Variants in FBXL4 observed in about 807,000 individuals in gnomAD.
FBXL4 encodes the protein F-box/LRR-repeat protein 4.
FBXL4 carries 40 observed loss-of-function variants against 58.9 expected under a neutral mutation model. The observed-to-expected ratio is 0.68, with a 90% CI of 0.53 to 0.88. FBXL4 has a LOEUF of 0.88. Among genes scored for constraint, FBXL4 ranks in the 40% least tolerant of loss-of-function variants. FBXL4 has a pLI of 0.00. For missense variants in FBXL4, 676 were observed against 734.4 expected (o/e 0.92, Z 0.92); for synonymous variants, 263 against 265.5 (o/e 0.99, Z 0.09).
At chr6:98,924,893 C>T (rs1328105566) in intron 4 of FBXL4, among the ~76,000 whole-genome samples, 3 of 152,132 alleles carry the variant, frequency 2.0e-5, no homozygotes, top group East Asian at 3.9e-4. Flanking sequence ...TGAACAGGTG[C>T]CCTGATCTGC....
At chr6:98,880,415 G>C (rs1770810156) in intron 8 of FBXL4, 138 bp downstream of exon 8, 1 of 649,032 alleles carries the variant, frequency 1.5e-6, no homozygotes, top group Non-Finnish European at 2.7e-6. Flanking sequence ...ATGTTTGAAA[G>C]CAAGGGACAA....
rs1467245164 is a variant in FBXL4, at chr6:98,875,603, G to A, written c.1514C>T (p.Pro505Leu). ...NGIAELASGC[P>L]LLEELDLGWC... ...GCCAAGGTCAAGCTCCTCCAGTAGT[G>A]GACACCCAGAAGCCAGTTCTGCTAT... Residue 505 changes from proline (P) to leucine (L), a missense_variant, in exon 9 of 10, where the codon CCA (proline) becomes CTA (leucine). Pro to Leu is a moderately conservative substitution (Grantham distance 98). Coordinates refer to ENST00000369244, the MANE Select transcript of FBXL4 (RefSeq NM_001278716.2). The A allele has an allele frequency of 6.2e-7, 1 of 1,613,930 alleles. No individual in the cohort carries two copies. Among genetic ancestry groups the A allele is most frequent in the Non-Finnish European group, 8.5e-7 (1 of 1,180,014 alleles).
intron 7 of FBXL4, chr6:98,898,936 T>G (rs746102761): frequency 9.1e-6 from 9 of 985,424 alleles, no homozygotes; most frequent in Non-Finnish European, 1.1e-5. Flanking sequence ...GCAAATGTCC[T>G]CTTACATATT....
In FBXL4 at chr6:98,880,591, A is replaced by C. The variant is rs2128378916; in HGVS notation, c.1351T>G (p.Ser451Ala). ...TALLSILNFC[S>A]ELQHLSLGSC... ...CCTAAACTGAGGTGCTGAAGCTCTG[A>C]ACAGAAGTTCAAAATGCTGAGCAGT... Residue 451 changes from serine (S) to alanine (A), a missense_variant, in exon 8 of 10, where the codon TCA becomes GCA. Physicochemically the swap from Ser to Ala is moderately conservative, Grantham distance 99 (BLOSUM62 1). Transcript: ENST00000369244. The C allele has an allele frequency of 6.2e-7, 1 of 1,614,016 alleles. No homozygotes were observed. The highest frequency in any genetic ancestry group is 8.5e-7 in the Non-Finnish European group (1 of 1,179,924).
chr6:98,919,813 G>C (rs904491246), intron 4 of FBXL4, among the ~76,000 whole-genome samples: 3 of 152,068 alleles, frequency 2.0e-5, no homozygotes, highest in African/African-American at 7.2e-5. Context: ...GTAAATTATA[G>C]AATACATGAA....
At chr6:98,907,128 T>C (rs1238584892) in intron 5 of FBXL4, among the ~76,000 whole-genome samples, 1 of 152,204 alleles carries the variant, frequency 6.6e-6, no homozygotes, top group Non-Finnish European at 1.5e-5. Context: ...GCCTGTTCAC[T>C]CTGATGATAG....
At chr6:98,897,093 G>C (rs1487703650) in intron 7 of FBXL4, 7 of 982,322 alleles carry the variant, frequency 7.1e-6, no homozygotes, top group African/African-American at 1.8e-5. Flanking sequence ...CTTCTCAAAG[G>C]CTCATTTAAT....
intron 5 of FBXL4, among the ~76,000 whole-genome samples, chr6:98,911,499 C>T (rs1459989450): frequency 9.2e-5 from 14 of 152,194 alleles, no homozygotes; most frequent in Admixed American, 9.2e-4. Context: ...GAGAAATGAT[C>T]AGACAGCAGC....
Position 98,919,656 on chromosome 6 carries a change from T to C in FBXL4, c.513-1937A>G, listed in dbSNP as rs908994800. On this transcript the variant is annotated intron_variant, in intron 4 of 9. Coordinates refer to ENST00000369244, the MANE Select transcript of FBXL4 (RefSeq NM_001278716.2). ...AAATCAAGGGTTCCTAACGAAGGAA[T>C]TGATTTGAATACTCTAATGTAAATA... Among the ~76,000 whole-genome samples the C allele has an allele frequency of 3.3e-5, 5 of 152,270 alleles. No homozygotes were observed. The East Asian group carries it at 9.7e-4, about 29-fold the overall frequency.
chr6:98,924,445 C>T (rs1056164089), intron 4 of FBXL4, among the ~76,000 whole-genome samples: 3 of 151,978 alleles, frequency 2.0e-5, no homozygotes, highest in Non-Finnish European at 4.4e-5. Flanking sequence ...TAATCCCAGC[C>T]GCTCAGGTGG....
chr6:98,895,452 G>A (rs1771377633), intron 7 of FBXL4, among the ~76,000 whole-genome samples: 1 of 152,122 alleles, frequency 6.6e-6, no homozygotes, highest in African/African-American at 2.4e-5. Context: ...GAAATAGTAA[G>A]TAGTAAAGAA....
chr6:98,914,660 G>A (rs1772258660), intron 5 of FBXL4, among the ~76,000 whole-genome samples: 1 of 152,096 alleles, frequency 6.6e-6, no homozygotes, highest in South Asian at 2.1e-4. Flanking sequence ...GTATTGATGG[G>A]ACATATCTCA....
intron 5 of FBXL4, among the ~76,000 whole-genome samples, chr6:98,916,312 A>G (rs1417673676): frequency 6.6e-6 from 1 of 152,208 alleles, no homozygotes; most frequent in African/African-American, 2.4e-5. Context: ...CCATCCCATT[A>G]CTGGGTATAT....
chr6:98,914,281 A>G (rs1252720028), intron 5 of FBXL4, among the ~76,000 whole-genome samples: 1 of 152,166 alleles, frequency 6.6e-6, no homozygotes, highest in Non-Finnish European at 1.5e-5. Flanking sequence ...ACTCCAATCA[A>G]TAGAAAAAGA....
intron 8 of FBXL4, among the ~76,000 whole-genome samples, chr6:98,878,031 G>A (rs1466896984): frequency 2.6e-5 from 4 of 152,108 alleles, no homozygotes; most frequent in Non-Finnish European, 5.9e-5. Context: ...TGGCACTTGT[G>A]GCACAAAGAT....
In FBXL4 at chr6:98,918,496, G is replaced by T. The variant is rs577383868; in HGVS notation, c.513-777C>A. 6.6e-5 allele frequency among the ~76,000 whole-genome samples: 10 copies of T among 151,962 alleles called. 2 individuals are homozygous for T. In the South Asian group the frequency reaches 1.7e-3, roughly 25 times the overall value. ...ATTATCTGCATATCTATTCTTCAAGGCCTAACTTATATTCCATCTCCAGAT... is the reference window on the plus strand; with the variant it reads ...ATTATCTGCATATCTATTCTTCAAGTCCTAACTTATATTCCATCTCCAGAT... On this transcript the variant is annotated intron_variant, in intron 4 of 9. Coordinates refer to ENST00000369244, the MANE Select transcript of FBXL4 (RefSeq NM_001278716.2).
chr6:98,927,039 C>G lies in FBXL4; in HGVS notation c.-51G>C. The G allele has an allele frequency of 2.6e-6, 4 of 1,549,542 alleles. No homozygotes were observed. Among genetic ancestry groups the G allele is most frequent in the Non-Finnish European group, 3.5e-6 (4 of 1,142,008 alleles). On this transcript the variant is annotated 5_prime_UTR_variant, in exon 4 of 10. An upstream start codon of the reference 5' UTR is lost. Coordinates refer to ENST00000369244, the MANE Select transcript of FBXL4 (RefSeq NM_001278716.2). ...AAGGTCAGGTGTCCTCAGTAAGATG[C>G]ATGAACTCTTTGAAGGATGTTCTAA... is the stretch of plus-strand genomic sequence containing the variant.
At chr6:98,905,373 A>T in intron 6 of FBXL4, 53 bp downstream of exon 6, 1 of 1,585,554 alleles carries the variant, frequency 6.3e-7, no homozygotes, top group Non-Finnish European at 8.6e-7. Context: ...CTACATAATA[A>T]GTATAACCTG....
At position 98,926,888 on chromosome 6, in the gene FBXL4, G is replaced by C. The variant is rs1361767197; in HGVS notation, c.101C>G (p.Thr34Ser). 2 of 1,614,114 alleles carry C rather than the reference G, an allele frequency of 1.2e-6. No individual in the cohort carries two copies. The highest frequency in any genetic ancestry group is 3.3e-5 in the Admixed American group (2 of 60,020). ...RTATRGEMMN[T>S]HRAIESNSQT... ...GCTGTTTGATTCTATAGCTCTATGGGTGTTCATCATTTCTCCTCTTGTAGC... is the reference window on the plus strand; with the variant it reads ...GCTGTTTGATTCTATAGCTCTATGGCTGTTCATCATTTCTCCTCTTGTAGC... Residue 34 changes from threonine to serine, a missense_variant, in exon 4 of 10, where the codon ACC (threonine) becomes AGC (serine). By Grantham distance (58) the Thr-to-Ser change is moderately conservative. Coordinates refer to ENST00000369244, the MANE Select transcript of FBXL4 (RefSeq NM_001278716.2).
Sources: allele counts gnomAD v4.1 joint callset (sites outside exome capture counted in the v4.1 genomes callset), GRCh38; gene constraint gnomAD v4.1.1; transcripts MANE v1.5; gene names NCBI Gene and HGNC (gene_info 2026-07-23, HGNC 2026-07-21).